Variants in DOCK9 observed in about 807,000 individuals in gnomAD.
The protein encoded by DOCK9 is dedicator of cytokinesis protein 9.
A neutral mutation model predicts 263.3 loss-of-function variants in DOCK9; 89 were observed. The observed-to-expected ratio is 0.34, with a 90% CI of 0.28 to 0.40. The LOEUF (loss-of-function observed/expected upper bound fraction) is 0.40. Among genes scored for constraint, DOCK9 ranks in the 10% least tolerant of loss-of-function variants. The pLI is 1.00. For missense variants in DOCK9, 2,140 were observed against 2,603.4 expected, an observed-to-expected ratio of 0.82 and a Z score of 3.87; for synonymous variants, 976 against 973.1, an observed-to-expected ratio of 1.00 and a Z score of -0.06.
intron 15 of DOCK9, among the ~76,000 whole-genome samples, chr13:98,893,497 C>T (rs570542421): frequency 2.8e-4 from 43 of 152,246 alleles, no homozygotes; most frequent in African/African-American, 9.9e-4. Flanking sequence ...TATCATCTAT[C>T]GGACAGAATC....
intron 1 of DOCK9, among the ~76,000 whole-genome samples, chr13:99,065,564 G>T (rs78815984): frequency 0.022 from 3,355 of 152,234 alleles, 118 homozygotes; most frequent in African/African-American, 0.077. Context: ...ACTACTCACT[G>T]TTTCCCAAGT....
At chr13:99,031,011 T>A (rs1287376084) in intron 1 of DOCK9, among the ~76,000 whole-genome samples, 1 of 152,204 alleles carries the variant, frequency 6.6e-6, no homozygotes, top group Non-Finnish European at 1.5e-5. Context: ...TTCAATGCAT[T>A]CATATTTTAA....
intron 2 of DOCK9, among the ~76,000 whole-genome samples, chr13:98,948,976 C>T (rs74586992): frequency 0.017 from 2,664 of 152,276 alleles, 37 homozygotes; most frequent in Non-Finnish European, 0.027. Flanking sequence ...GGTTGCTTCC[C>T]GCTTTCGGCT....
intron 1 of DOCK9, among the ~76,000 whole-genome samples, chr13:99,010,447 C>G (rs888869590): frequency 3.9e-5 from 6 of 152,234 alleles, no homozygotes; most frequent in African/African-American, 1.4e-4. Context: ...GCTATCCTTT[C>G]CTGTCCTCAG....
chr13:99,031,932 C>G (rs1366188865), intron 1 of DOCK9, among the ~76,000 whole-genome samples: 1 of 152,202 alleles, frequency 6.6e-6, no homozygotes, highest in Non-Finnish European at 1.5e-5. Flanking sequence ...CCAACTTCCA[C>G]AAATGAACAC....
At chr13:98,882,357 T>A (rs2044925112) in intron 23 of DOCK9, among the ~76,000 whole-genome samples, 1 of 152,154 alleles carries the variant, frequency 6.6e-6, no homozygotes, top group Non-Finnish European at 1.5e-5. Context: ...TGTGGCTGTC[T>A]TTGAGATGGA....
intron 2 of DOCK9, among the ~76,000 whole-genome samples, chr13:98,933,925 T>C (rs1247995536): frequency 1.3e-5 from 2 of 151,782 alleles, no homozygotes; most frequent in African/African-American, 4.8e-5. Flanking sequence ...TGAAACAGTA[T>C]CTCACTCAGT....
At position 98,901,744 on chromosome 13, in the gene DOCK9, T is replaced by C. The variant is rs759194953; in HGVS notation, c.1503+34A>G. 6 of 1,603,440 alleles carry C rather than the reference T, an allele frequency of 3.7e-6. No homozygotes were observed. The East Asian group carries it at 1.3e-4, about 36-fold the overall frequency. On this transcript the variant is annotated intron_variant, in intron 13 of 52. Coordinates refer to ENST00000682017, the MANE Select transcript of DOCK9 (RefSeq NM_001366683.2). ...CATAAAGGCCTCTTTTCAGATTGCT[T>C]TTTACCACCCCAAAGCGTAAAAGCC...
At chr13:98,810,035 T>TA (rs2091154732) in intron 46 of DOCK9, 134 bp downstream of exon 46, 1 of 1,256,984 alleles carries the variant, frequency 8.0e-7, no homozygotes, top group Non-Finnish European at 1.1e-6. Flanking sequence ...ACCTTCAGCG[T>TA]AACGTGGAGG....
At chr13:99,038,060 T>C (rs1173954216) in intron 1 of DOCK9, among the ~76,000 whole-genome samples, 1 of 152,160 alleles carries the variant, frequency 6.6e-6, no homozygotes, top group Non-Finnish European at 1.5e-5. Context: ...ACTTATCAAA[T>C]TGTGTATTTT....
At chr13:99,001,135 C>A (rs1244134250) in intron 1 of DOCK9, among the ~76,000 whole-genome samples, 1 of 152,240 alleles carries the variant, frequency 6.6e-6, no homozygotes, top group Non-Finnish European at 1.5e-5. Flanking sequence ...CTAAGGTTCT[C>A]TTCTCCACTC....
At chr13:99,080,142 A>G (rs2042070513) in intron 1 of DOCK9, among the ~76,000 whole-genome samples, 1 of 152,150 alleles carries the variant, frequency 6.6e-6, no homozygotes, top group Non-Finnish European at 1.5e-5. Context: ...CTTATATTTC[A>G]CTATAATTTA....
rs2089011621 is a variant in DOCK9, at chr13:98,793,911, G to A, written c.*715C>T. 6.6e-6 allele frequency: 1 copy of A among 152,612 alleles called. No individual in the cohort carries two copies. Among genetic ancestry groups the A allele is most frequent in the South Asian group, 2.1e-4 (1 of 4,830 alleles). The allele number at this position is 152,612 out of a possible 1,614,324, so 9.5% of individuals were successfully genotyped here. A position where few individuals can be genotyped will look rare whatever the true frequency, so the allele number is the denominator to read the frequency against. On this transcript the variant is annotated 3_prime_UTR_variant, in exon 53 of 53. Coordinates refer to ENST00000682017, the MANE Select transcript of DOCK9 (RefSeq NM_001366683.2). ...TAGAAATGTAATACATATATGTACA[G>A]AATGCCAGGACTGTATTAACAATGA... is the stretch of plus-strand genomic sequence containing the variant.
intron 1 of DOCK9, chr13:98,959,562 T>G (rs796076010): frequency 3.9e-5 from 6 of 152,394 alleles, no homozygotes; most frequent in African/African-American, 1.4e-4. Flanking sequence ...CAAAAAGCTC[T>G]TGCTTCAAAT....
At chr13:98,816,763 G>A (rs1172059870) in intron 45 of DOCK9, among the ~76,000 whole-genome samples, 1 of 151,882 alleles carries the variant, frequency 6.6e-6, no homozygotes. Flanking sequence ...GGAAAAGAGA[G>A]GAGACAGCCC....
chr13:98,896,020 C>T (rs2047373558), intron 15 of DOCK9, among the ~76,000 whole-genome samples: 1 of 152,070 alleles, frequency 6.6e-6, no homozygotes, highest in Non-Finnish European at 1.5e-5. Flanking sequence ...ATCCTCCTCT[C>T]CCCCTTCTCC....
intron 1 of DOCK9, among the ~76,000 whole-genome samples, chr13:99,038,293 T>TCGC (rs1566338412): frequency 0.24 from 13,680 of 55,840 alleles, 2,052 homozygotes; most frequent in East Asian, 0.5. Flanking sequence ...CCCCCCTTTT[T>TCGC]TTTTTTTTTT....
chr13:99,000,664 T>C lies in DOCK9; in HGVS notation c.130-45113A>G, dbSNP rs141254611. On this transcript the variant is annotated intron_variant, in intron 1 of 32. Transcript: ENST00000427887. Reference sequence around the variant, plus strand: ...CACAGAGATGGGCTGGCATACAGACTCCATTTGTTCTGCAGCTTGGAAATG... The same window carrying C: ...CACAGAGATGGGCTGGCATACAGACCCCATTTGTTCTGCAGCTTGGAAATG... Among the ~76,000 whole-genome samples the C allele has an allele frequency of 3.5e-4, 53 of 152,262 alleles. 1 individual carries two copies. The highest frequency in any genetic ancestry group is 4.7e-4 in the Non-Finnish European group (32 of 68,016).
intron 27 of DOCK9, among the ~76,000 whole-genome samples, chr13:98,876,220 G>A (rs1197350747): frequency 2.6e-5 from 4 of 152,166 alleles, no homozygotes; most frequent in Non-Finnish European, 4.4e-5. Context: ...GGCTGGGCGC[G>A]GTGGCTCACG....
Sources: gnomAD v4.1 joint callset for allele counts (sites outside exome capture counted in the v4.1 genomes callset) on GRCh38, gnomAD v4.1.1 for gene constraint, MANE v1.5 for transcripts, NCBI Gene and HGNC (gene_info 2026-07-23, HGNC 2026-07-21) for gene names.